FGF1: variants seen among roughly 807,000 people sequenced by gnomAD.
FGF1 encodes the protein beta-endothelial cell growth factor.
FGF1 carries 9 observed loss-of-function variants against 13.4 expected under a neutral mutation model. The observed-to-expected ratio is 0.67, with a 90% confidence interval of 0.40 to 1.17. The LOEUF (loss-of-function observed/expected upper bound fraction) is 1.17. Ranked by LOEUF, FGF1 falls within the 50% of genes most tolerant of loss-of-function variation. The pLI, the probability that FGF1 is intolerant of heterozygous loss-of-function variation, is 0.01. For missense variants in FGF1, 156 were observed against 192.7 expected (o/e 0.81, Z 1.13); for synonymous variants, 93 against 79.0 (o/e 1.18, Z -0.94).
chr5:142,678,338 A>T (rs1029774348), intron 1 of FGF1, among the ~76,000 whole-genome samples: 1 of 152,130 alleles, frequency 6.6e-6, no homozygotes, highest in Non-Finnish European at 1.5e-5. Flanking sequence ...TCGGTTTTAT[A>T]TGCAGACTTT....
intron 3 of FGF1, among the ~76,000 whole-genome samples, chr5:142,598,075 A>T (rs1028817906): frequency 2.6e-5 from 4 of 152,204 alleles, no homozygotes; most frequent in Non-Finnish European, 4.4e-5. Context: ...CTGCCTCTAG[A>T]GGAACTTGGT....
intron 1 of FGF1, among the ~76,000 whole-genome samples, chr5:142,659,533 T>C (rs1390655396): frequency 6.6e-6 from 1 of 152,090 alleles, no homozygotes; most frequent in Non-Finnish European, 1.5e-5. Flanking sequence ...TGCATCAGTT[T>C]TAAGGGGGAA....
chr5:142,687,906 C>A (rs928369781), upstream of FGF1, among the ~76,000 whole-genome samples: 9 of 152,224 alleles, frequency 5.9e-5, no homozygotes, highest in Admixed American at 1.3e-4. Context: ...CAGATTCCCC[C>A]CCTCCTAGTG....
intron 1 of FGF1, among the ~76,000 whole-genome samples, chr5:142,673,433 A>T (rs1203271265): frequency 2.6e-5 from 4 of 152,252 alleles, no homozygotes; most frequent in African/African-American, 7.2e-5. Flanking sequence ...TTGGACAAAG[A>T]TCTTCCTTGT....
chr5:142,625,313 G>GACACAC (rs59813387), intron 1 of FGF1, among the ~76,000 whole-genome samples: 37 of 148,404 alleles, frequency 2.5e-4, no homozygotes, highest in African/African-American at 8.7e-4. Flanking sequence ...ACTACAAGCG[G>GACACAC]ACACACACAC....
intron 2 of FGF1, among the ~76,000 whole-genome samples, chr5:142,695,042 A>G (rs1040600423): frequency 4.6e-5 from 7 of 152,216 alleles, no homozygotes; most frequent in African/African-American, 1.7e-4. Context: ...TGATTAGTGG[A>G]ATAGGAAATG....
chr5:142,616,607 T>A (rs558966031), intron 1 of FGF1, among the ~76,000 whole-genome samples: 2 of 152,290 alleles, frequency 1.3e-5, no homozygotes, highest in Admixed American at 6.5e-5. Flanking sequence ...CATAAGCCTC[T>A]AAGTCCTTCT....
At chr5:142,692,230 G>A (rs981472504) in intron 2 of FGF1, among the ~76,000 whole-genome samples, 2 of 152,188 alleles carry the variant, frequency 1.3e-5, no homozygotes, top group African/African-American at 4.8e-5. Flanking sequence ...ACAGCTACTT[G>A]GGAGGCTGAG....
intron 2 of FGF1, among the ~76,000 whole-genome samples, chr5:142,609,868 G>C (rs1758669866): frequency 6.6e-6 from 1 of 152,188 alleles, no homozygotes; most frequent in Non-Finnish European, 1.5e-5. Flanking sequence ...GAGGCACATT[G>C]AGAAGTAACT....
intron 2 of FGF1, among the ~76,000 whole-genome samples, chr5:142,608,542 C>CAATA (rs1758237684): frequency 1.3e-5 from 1 of 76,036 alleles, no homozygotes; most frequent in Non-Finnish European, 2.7e-5. Flanking sequence ...ATATACACAT[C>CAATA]TATATATATA....
chr5:142,643,164 A>G (rs1171715664), intron 1 of FGF1, among the ~76,000 whole-genome samples: 2 of 152,186 alleles, frequency 1.3e-5, no homozygotes, highest in Admixed American at 1.3e-4. Flanking sequence ...GATTTGCAAA[A>G]TTGAATGTTG....
intron 1 of FGF1, among the ~76,000 whole-genome samples, chr5:142,639,780 A>G (rs1204532541): frequency 1.3e-5 from 2 of 152,032 alleles, no homozygotes; most frequent in African/African-American, 4.8e-5. Context: ...AACCAGCTTG[A>G]TCATAGTAAT....
At chr5:142,667,740 C>T (rs115831994) in intron 1 of FGF1, among the ~76,000 whole-genome samples, 5 of 152,162 alleles carry the variant, frequency 3.3e-5, no homozygotes, top group African/African-American at 9.7e-5. Flanking sequence ...AAGGCCTCGG[C>T]GGGCTCTGAA....
At chr5:142,648,427 T>G (rs1766585186) in intron 1 of FGF1, among the ~76,000 whole-genome samples, 1 of 151,390 alleles carries the variant, frequency 6.6e-6, no homozygotes, top group Non-Finnish European at 1.5e-5. Context: ...AAACACTGCA[T>G]GTTCTCACTC....
chr5:142,667,201 T>C (rs1770559147), intron 1 of FGF1, among the ~76,000 whole-genome samples: 1 of 151,450 alleles, frequency 6.6e-6, no homozygotes, highest in Non-Finnish European at 1.5e-5. Flanking sequence ...GGAGAATTGC[T>C]TGAACCTGGG....
intron 2 of FGF1, among the ~76,000 whole-genome samples, chr5:142,694,129 A>ATCTG (rs899404997): frequency 6.8e-6 from 1 of 147,520 alleles, no homozygotes; most frequent in African/African-American, 2.5e-5. Context: ...CTATCTATCT[A>ATCTG]TCTATCTATG....
intron 1 of FGF1, among the ~76,000 whole-genome samples, chr5:142,654,130 T>G (rs1596776): frequency 0.58 from 87,551 of 152,086 alleles, 27,395 homozygotes; most frequent in African/African-American, 0.83. Context: ...TTCTAACATC[T>G]CATTTACCAT....
At chr5:142,689,261 C>A (rs920786463), upstream of FGF1, among the ~76,000 whole-genome samples, 8 of 152,100 alleles carry the variant, frequency 5.3e-5, no homozygotes, top group Non-Finnish European at 1.2e-4. Context: ...AATCAGCTGA[C>A]GGGAGAAATT....
chr5:142,684,535 C>T (rs919959243), intron 1 of FGF1, among the ~76,000 whole-genome samples: 1 of 152,234 alleles, frequency 6.6e-6, no homozygotes, highest in East Asian at 1.9e-4. Context: ...CCTCTGCCAA[C>T]AGCAAATTGT....
Sources: gnomAD v4.1 joint callset for allele counts (sites outside exome capture counted in the v4.1 genomes callset) on GRCh38, gnomAD v4.1.1 for gene constraint, MANE v1.5 for transcripts, NCBI Gene and HGNC (gene_info 2026-07-23, HGNC 2026-07-21) for gene names.